Variants in FAAH2 observed in about 807,000 individuals in gnomAD.
The protein encoded by FAAH2 is fatty-acid amide hydrolase 2.
FAAH2 carries 60 observed loss-of-function variants against 36.9 expected under a neutral mutation model. That is an observed-to-expected ratio of 1.63 (90% confidence interval 1.32 to 2.02). The LOEUF (loss-of-function observed/expected upper bound fraction) is 2.02, where lower values mean the gene tolerates loss of function less well. Ranked by LOEUF, FAAH2 falls within the 30% of genes most tolerant of loss-of-function variation. The pLI, the probability that FAAH2 is intolerant of heterozygous loss-of-function variation, is 0.00. For synonymous variants in FAAH2, 214 were observed against 143.8 expected (o/e 1.49, Z -3.49); for missense variants, 689 against 397.5 (o/e 1.73, Z -6.23).
chrX:57,431,870 C>G (rs1428951592), intron 7 of FAAH2, 48 bp from the exon 8 acceptor site: 1 of 995,455 alleles, frequency 1.0e-6, no homozygotes, highest in African/African-American at 2.0e-5. Flanking sequence ...TCAGTAGTAT[C>G]TCCTCTTCTC....
At chrX:57,149,858 T>C in the FAAH2 span, among the ~76,000 whole-genome samples, 1 of 111,699 alleles carries the variant, frequency 9.0e-6, no homozygotes, top group East Asian at 2.8e-4. Flanking sequence ...TATTAGGGTG[T>C]CAATTTTGGA....
intron 7 of FAAH2, among the ~76,000 whole-genome samples, chrX:57,382,124 C>A (rs1156995054): frequency 2.7e-5 from 3 of 111,040 alleles, no homozygotes; most frequent in Middle Eastern, 4.7e-3. Flanking sequence ...TCTTTGAAAC[C>A]AACGAGAACA....
chrX:57,306,996 T>C (rs1331303458), intron 2 of FAAH2, among the ~76,000 whole-genome samples: 1 of 49,242 alleles, frequency 2.0e-5, no homozygotes, highest in African/African-American at 5.2e-5. Context: ...CACACACAGA[T>C]ACATATATAT....
intron 8 of FAAH2, among the ~76,000 whole-genome samples, chrX:57,442,401 A>G (rs2056579433): frequency 9.0e-6 from 1 of 111,062 alleles, no homozygotes; most frequent in African/African-American, 3.3e-5. Flanking sequence ...GTTGGTTTAA[A>G]GTCTGTTTTA....
At chrX:57,475,106 A>G (rs2057241752) in intron 10 of FAAH2, among the ~76,000 whole-genome samples, 1 of 111,916 alleles carries the variant, frequency 8.9e-6, no homozygotes, top group African/African-American at 3.2e-5. Flanking sequence ...CCTTTGTCAG[A>G]TCGGTAGCAT....
chrX:57,156,698 T>C, the FAAH2 span, among the ~76,000 whole-genome samples: 2 of 111,774 alleles, frequency 1.8e-5, no homozygotes, highest in Non-Finnish European at 3.8e-5. Context: ...TTCCCTGGTT[T>C]TCCAAGCAAA....
At chrX:57,460,855 G>A (rs1046287536) in intron 10 of FAAH2, among the ~76,000 whole-genome samples, 7 of 111,710 alleles carry the variant, frequency 6.3e-5, no homozygotes, top group African/African-American at 2.3e-4. Context: ...ACACAAACTG[G>A]TAAATTGGAT....
intron 10 of FAAH2, among the ~76,000 whole-genome samples, chrX:57,471,139 A>C (rs747320753): frequency 8.9e-6 from 1 of 111,978 alleles, no homozygotes; most frequent in South Asian, 3.7e-4. Flanking sequence ...AGCCAATATC[A>C]TACTGAATGA....
chrX:57,435,044 G>A (rs1423446758), intron 8 of FAAH2, among the ~76,000 whole-genome samples: 2 of 111,638 alleles, frequency 1.8e-5, no homozygotes, highest in Non-Finnish European at 3.8e-5. Flanking sequence ...AAATGAAGGA[G>A]AAATAAAGTC....
chrX:57,305,391 A>G (rs1035955887), intron 2 of FAAH2, among the ~76,000 whole-genome samples: 2 of 111,335 alleles, frequency 1.8e-5, no homozygotes, highest in Admixed American at 9.6e-5. Context: ...CTAACCTTCT[A>G]ATATTTTATA....
At chrX:57,434,717 T>C (rs1219421427) in intron 8 of FAAH2, among the ~76,000 whole-genome samples, 1 of 111,297 alleles carries the variant, frequency 9.0e-6, no homozygotes, top group Non-Finnish European at 1.9e-5. Flanking sequence ...GAAATCCTAT[T>C]TAAGAAAATT....
At chrX:57,200,454 C>T in the FAAH2 span, among the ~76,000 whole-genome samples, 1 of 107,254 alleles carries the variant, frequency 9.3e-6, no homozygotes, top group African/African-American at 3.4e-5. Flanking sequence ...TCCTGGCCCA[C>T]TGCAATCTCC....
At chrX:57,134,808 T>A in the FAAH2 span, 1 of 111,642 alleles carries the variant, frequency 9.0e-6, no homozygotes, top group African/African-American at 3.3e-5. Context: ...TGTTAGCGTG[T>A]TTAGGCTGAG....
At chrX:57,370,822 C>G (rs1422175070) in intron 5 of FAAH2, among the ~76,000 whole-genome samples, 1 of 111,733 alleles carries the variant, frequency 8.9e-6, no homozygotes, top group Non-Finnish European at 1.9e-5. Context: ...TCTTATGAGA[C>G]TCTAATGCCT....
At chrX:57,164,962 G>T in the FAAH2 span, among the ~76,000 whole-genome samples, 4 of 112,343 alleles carry the variant, frequency 3.6e-5, no homozygotes, top group South Asian at 3.6e-4. Context: ...TAGCCATACG[G>T]ATCTACTCTG....
the FAAH2 span, chrX:57,127,047 C>G: frequency 9.0e-6 from 1 of 111,074 alleles, no homozygotes; most frequent in Non-Finnish European, 1.9e-5. Context: ...ACTTCTGACT[C>G]CAAGTTATGA....
rs911542386 is a variant in FAAH2 at position 57,310,515 on chromosome X, T to C, written c.276-78T>C. On this transcript the variant is annotated intron_variant, in intron 2 of 10. Coordinates refer to ENST00000374900, the MANE Select transcript of FAAH2 (RefSeq NM_174912.4). ...AATATGTTGATTACATATTAACATGTTGATATGGGTATTCTTTTAATAAAG... is the reference window on the plus strand; with the variant it reads ...AATATGTTGATTACATATTAACATGCTGATATGGGTATTCTTTTAATAAAG... The C allele has an allele frequency of 2.8e-4, 288 of 1,041,974 alleles. 1 individual carries two copies. Among genetic ancestry groups the C allele is most frequent in the Non-Finnish European group, 3.4e-4 (266 of 780,602 alleles). The allele number at this position is 1,041,974 out of a possible 1,213,427, so 85.9% of individuals were successfully genotyped here.
At chrX:57,457,382 A>G (rs1281616237) in intron 10 of FAAH2, among the ~76,000 whole-genome samples, 1 of 111,114 alleles carries the variant, frequency 9.0e-6, no homozygotes, top group Non-Finnish European at 1.9e-5. Context: ...CCCCTTGGGA[A>G]CTGGAACAAG....
At chrX:57,207,948 G>A in the FAAH2 span, among the ~76,000 whole-genome samples, 2 of 112,675 alleles carry the variant, frequency 1.8e-5, no homozygotes, top group African/African-American at 3.2e-5. Flanking sequence ...GGTCTGGGAC[G>A]GGCTTCTCAT....
Sources: gnomAD v4.1 joint callset for allele counts (sites outside exome capture counted in the v4.1 genomes callset) on GRCh38, gnomAD v4.1.1 for gene constraint, MANE v1.5 for transcripts, NCBI Gene and HGNC (gene_info 2026-07-23, HGNC 2026-07-21) for gene names.